The following BRINP1 variants were observed in gnomAD, a reference collection of about 807,000 sequenced individuals.
BRINP1 encodes BMP/retinoic acid inducible neural specific 1.
In BRINP1, 17 loss-of-function variants were observed where a neutral mutation model predicts 72.9. That is an observed-to-expected ratio of 0.23 (90% confidence interval 0.16 to 0.35). The LOEUF is 0.35. Among genes scored for constraint, BRINP1 ranks in the 10% least tolerant of loss-of-function variants. The pLI is 1.00. For missense variants in BRINP1, 850 were observed against 1,001.6 expected (o/e 0.85, Z 2.04); for synonymous variants, 418 against 378.5 (o/e 1.10, Z -1.21).
intron 6 of BRINP1, among the ~76,000 whole-genome samples, chr9:119,213,022 G>T (rs542487256): frequency 1.4e-4 from 21 of 150,536 alleles, no homozygotes; most frequent in Admixed American, 3.3e-4. Context: ...TTTACAACTT[G>T]TACCATCTCC....
At chr9:119,239,467 G>T (rs1253037119) in intron 4 of BRINP1, among the ~76,000 whole-genome samples, 1 of 152,200 alleles carries the variant, frequency 6.6e-6, no homozygotes, top group African/African-American at 2.4e-5. Context: ...TATTCAAAAA[G>T]ATAACCTTGA....
intron 7 of BRINP1, among the ~76,000 whole-genome samples, chr9:119,194,556 C>T (rs1042944115): frequency 6.6e-6 from 1 of 152,166 alleles, no homozygotes; most frequent in Non-Finnish European, 1.5e-5. Context: ...AGTTTTCTCT[C>T]GCTTTGGCAG....
intron 2 of BRINP1, among the ~76,000 whole-genome samples, chr9:119,274,341 G>C (rs2118954714): frequency 6.6e-6 from 1 of 152,308 alleles, no homozygotes; most frequent in Middle Eastern, 3.4e-3. Context: ...TGGGGTGTGA[G>C]GACCTATGAG....
intron 7 of BRINP1, among the ~76,000 whole-genome samples, chr9:119,171,186 CA>C (rs1299672478): frequency 3.3e-5 from 5 of 149,794 alleles, no homozygotes; most frequent in African/African-American, 1.2e-4. Context: ...CACAGACTGG[CA>C]AATTGGATAA....
At chr9:119,177,498 G>A (rs1829502153) in intron 7 of BRINP1, among the ~76,000 whole-genome samples, 1 of 152,088 alleles carries the variant, frequency 6.6e-6, no homozygotes, top group African/African-American at 2.4e-5. Context: ...CCTTTCACAT[G>A]GCCCACACTT....
intron 7 of BRINP1, among the ~76,000 whole-genome samples, chr9:119,170,134 T>G (rs1829386100): frequency 6.6e-6 from 1 of 152,086 alleles, no homozygotes; most frequent in African/African-American, 2.4e-5. Flanking sequence ...GGATGGAGAA[T>G]GACTTTGACG....
rs538782714 is a variant in BRINP1 at position 119,172,326 on chromosome 9, A to G, written c.1146-4102T>C. ...CACCACCAATCCCACAGAAATACAA[A>G]CTACCATCAGAGAATACTACAAACA... is the stretch of plus-strand genomic sequence containing the variant. On this transcript the variant is annotated intron_variant, in intron 7 of 7. Transcript: ENST00000265922. Among the ~76,000 whole-genome samples, 574 of 152,100 alleles carry G rather than the reference A, an allele frequency of 3.8e-3. 5 individuals are homozygous for G. Among genetic ancestry groups the G allele is most frequent in the African/African-American group, 0.013 (522 of 41,550 alleles).
At chr9:119,227,253 T>C (rs1359887788) in intron 5 of BRINP1, among the ~76,000 whole-genome samples, 1 of 152,014 alleles carries the variant, frequency 6.6e-6, no homozygotes, top group East Asian at 1.9e-4. Context: ...GAGGCCTAAT[T>C]AACTAGTCTT....
chr9:119,282,765 A>G, intron 2 of BRINP1: 4 of 981,080 alleles, frequency 4.1e-6, no homozygotes, highest in Non-Finnish European at 4.8e-6. Flanking sequence ...AAAAACCCCA[A>G]ATTTAATTTT....
intron 2 of BRINP1, among the ~76,000 whole-genome samples, chr9:119,281,551 T>C (rs1318269202): frequency 6.6e-6 from 1 of 152,178 alleles, no homozygotes; most frequent in Non-Finnish European, 1.5e-5. Context: ...TAGGATTCTC[T>C]ATGGGCGAGT....
chr9:119,305,334 A>C (rs1029587269), intron 2 of BRINP1, among the ~76,000 whole-genome samples: 2 of 152,154 alleles, frequency 1.3e-5, no homozygotes, highest in Non-Finnish European at 2.9e-5. Context: ...CAAAGAAAAA[A>C]CACTGTTCTA....
chr9:119,280,363 C>G (rs966231781), intron 2 of BRINP1, among the ~76,000 whole-genome samples: 2 of 151,444 alleles, frequency 1.3e-5, no homozygotes, highest in African/African-American at 4.9e-5. Context: ...CTCAGTCTCC[C>G]GAGTAGCTGG....
chr9:119,280,616 T>C (rs1051064618), intron 2 of BRINP1, among the ~76,000 whole-genome samples: 3 of 152,166 alleles, frequency 2.0e-5, no homozygotes, highest in African/African-American at 7.2e-5. Flanking sequence ...TTAGTAGGTC[T>C]AACTGAACCA....
At chr9:119,287,631 G>A (rs967487403) in intron 2 of BRINP1, among the ~76,000 whole-genome samples, 1 of 152,198 alleles carries the variant, frequency 6.6e-6, no homozygotes, top group Non-Finnish European at 1.5e-5. Context: ...GTTCATGGAA[G>A]TAACAGTCAA....
At chr9:119,303,511 G>A (rs866110618) in intron 2 of BRINP1, among the ~76,000 whole-genome samples, 1 of 152,148 alleles carries the variant, frequency 6.6e-6, no homozygotes, top group African/African-American at 2.4e-5. Flanking sequence ...AGACTCTCGC[G>A]AATCGTGGGA....
chr9:119,332,684 G>A (rs547722478), intron 1 of BRINP1, among the ~76,000 whole-genome samples: 17 of 152,234 alleles, frequency 1.1e-4, no homozygotes, highest in African/African-American at 3.9e-4. Context: ...GCAGGCTCTC[G>A]AGCTAACATG....
intron 1 of BRINP1, among the ~76,000 whole-genome samples, chr9:119,363,126 G>T (rs901371244): frequency 2.0e-5 from 3 of 152,108 alleles, no homozygotes; most frequent in African/African-American, 7.2e-5. Context: ...TTGAAACAGG[G>T]TCTTACTCTG....
intron 1 of BRINP1, among the ~76,000 whole-genome samples, chr9:119,340,257 G>A (rs1831393018): frequency 1.3e-5 from 2 of 152,220 alleles, no homozygotes; most frequent in Admixed American, 6.5e-5. Context: ...TAAAATGAGT[G>A]AAGGAACAGA....
chr9:119,244,054 C>T (rs1830287764), intron 3 of BRINP1, among the ~76,000 whole-genome samples: 1 of 152,176 alleles, frequency 6.6e-6, no homozygotes, highest in South Asian at 2.1e-4. Context: ...GTTAGGACTT[C>T]TATTTTTCTG....
Sources: allele counts gnomAD v4.1 joint callset (sites outside exome capture counted in the v4.1 genomes callset), GRCh38; gene constraint gnomAD v4.1.1; transcripts MANE v1.5; gene names NCBI Gene and HGNC (gene_info 2026-07-23, HGNC 2026-07-21).